CNTNAP5: variants seen among roughly 807,000 people sequenced by gnomAD.
CNTNAP5 encodes contactin associated protein family member 5.
In CNTNAP5, 72 loss-of-function variants were observed where a neutral mutation model predicts 150.2. That is an observed-to-expected ratio of 0.48 (90% confidence interval 0.40 to 0.58). The LOEUF (loss-of-function observed/expected upper bound fraction) is 0.58, where lower values mean the gene tolerates loss of function less well. Ranked by LOEUF, CNTNAP5 falls within the 20% of genes least tolerant of loss-of-function variation. The pLI, the probability that CNTNAP5 is intolerant of heterozygous loss-of-function variation, is 0.00. For synonymous variants in CNTNAP5, 672 were observed against 619.8 expected, an observed-to-expected ratio of 1.08 and a Z score of -1.25; for missense variants, 1,636 against 1,626.2, an observed-to-expected ratio of 1.01 and a Z score of -0.10.
intron 11 of CNTNAP5, among the ~76,000 whole-genome samples, chr2:124,592,181 A>C (rs1249585346): frequency 1.3e-5 from 2 of 152,160 alleles, no homozygotes; most frequent in East Asian, 3.9e-4. Flanking sequence ...TTTTAAAAAA[A>C]TATGGAAACA....
intron 11 of CNTNAP5, among the ~76,000 whole-genome samples, chr2:124,580,303 CTGTAAG>C (rs1438893940): frequency 1.3e-5 from 2 of 152,256 alleles, no homozygotes; most frequent in African/African-American, 2.4e-5. Flanking sequence ...AAAGGCTTCT[CTGTAAG>C]TTGTCAACTA....
intron 11 of CNTNAP5, among the ~76,000 whole-genome samples, chr2:124,595,161 C>A (rs1341945114): frequency 1.4e-5 from 2 of 147,748 alleles, no homozygotes; most frequent in African/African-American, 2.5e-5. Context: ...CTGGCCAGAA[C>A]TTCCAGCACT....
rs1245847924 is a variant in CNTNAP5, at chr2:124,707,045, G to A, written c.2078-40184G>A. On this transcript the variant is annotated intron_variant, in intron 13 of 23. Transcript: ENST00000682447. ...GAAGAAGAAGAAGAAGAAGAAGGAG[G>A]AGGAGGAGGAGGAGGAGAGGAAGAG... Among the ~76,000 whole-genome samples, 230 of 103,716 alleles carry A rather than the reference G, an allele frequency of 2.2e-3. 10 individuals are homozygous for A. The highest frequency in any genetic ancestry group is 8.9e-3 in the African/African-American group (211 of 23,718). 68.0% of individuals were successfully genotyped at this position (103,716 alleles called of 152,430 possible).
chr2:124,434,798 A>C (rs750967571), intron 5 of CNTNAP5, 111 bp downstream of exon 5: 8 of 857,422 alleles, frequency 9.3e-6, no homozygotes, highest in Non-Finnish European at 1.5e-5. Flanking sequence ...GGAGCACAAT[A>C]TAAGTGATAT....
Position 124,869,757 on chromosome 2 carries a change from T to G in CNTNAP5, c.3431T>G (p.Val1144Gly). 6.3e-7 allele frequency: 1 copy of G among 1,594,292 alleles called. No homozygotes were observed. The highest frequency in any genetic ancestry group is 8.6e-7 in the Non-Finnish European group (1 of 1,162,630). ...ATAAGGTCACTCACCTTGGGCAAAG[T>G]CACAGGTATGTTGTTCTAGTTCATA... ...RVIRSLTLGK[V>G]TENLGLDSEV... The change falls in exon 21 of 24, where the codon GTC becomes GGC. Residue 1144 changes from valine (V) to glycine (G), a missense_variant. Val to Gly is a moderately radical substitution (Grantham distance 109). Transcript: ENST00000682447.
Position 124,524,443 on chromosome 2 carries a change from T to G in CNTNAP5, c.1468T>G (p.Tyr490Asp). The change falls in exon 9 of 24, where the codon TAT becomes GAT. Residue 490 changes from tyrosine (Y) to aspartate (D), a missense_variant. Transcript: ENST00000682447. ...GCAGATTTATTCTGGAAATAGCTAC[T>G]ATTTTGGAGGTAAATTCTCCAGTCT... ...WVQIYSGNSY[Y>D]FGGCPDNLTD... The G allele has an allele frequency of 6.2e-7, 1 of 1,611,302 alleles. No individual in the cohort carries two copies. The highest frequency in any genetic ancestry group is 8.5e-7 in the Non-Finnish European group (1 of 1,178,494).
At chr2:124,391,531 T>C (rs1475968040) in intron 3 of CNTNAP5, among the ~76,000 whole-genome samples, 2 of 152,220 alleles carry the variant, frequency 1.3e-5, no homozygotes, top group African/African-American at 4.8e-5. Context: ...AATGGCTATT[T>C]GTCAGTCCAC....
At chr2:124,343,695 T>C (rs1470318796) in intron 3 of CNTNAP5, among the ~76,000 whole-genome samples, 6 of 152,306 alleles carry the variant, frequency 3.9e-5, no homozygotes, top group Non-Finnish European at 8.8e-5. Context: ...CATGACAGTA[T>C]AAGATACAAA....
chr2:124,572,524 G>A (rs1029033860), intron 11 of CNTNAP5, among the ~76,000 whole-genome samples: 5 of 152,304 alleles, frequency 3.3e-5, no homozygotes, highest in Non-Finnish European at 7.4e-5. Context: ...ATAAAGGCTG[G>A]ACTTGGGGAG....
rs952047614 is a variant in CNTNAP5 at position 124,918,050 on chromosome 2, A to G, written c.*3762A>G. ...GGGTGGATTGACTTTTAGGAACAGT[A>G]AGAATAGATGGTCTCTGTCTCTGCC... On this transcript the variant is annotated 3_prime_UTR_variant, in exon 24 of 24. Coordinates refer to ENST00000682447, the MANE Select transcript of CNTNAP5 (RefSeq NM_001367498.1). Among the ~76,000 whole-genome samples the G allele has an allele frequency of 6.6e-6, 1 of 152,098 alleles. No homozygotes were observed. The highest frequency in any genetic ancestry group is 2.4e-5 in the African/African-American group (1 of 41,442).
At chr2:124,426,063 A>C (rs555689421) in intron 4 of CNTNAP5, among the ~76,000 whole-genome samples, 67 of 152,306 alleles carry the variant, frequency 4.4e-4, no homozygotes, top group African/African-American at 1.5e-3. Context: ...ACAAAAAAAA[A>C]CCTAAGCATT....
At chr2:124,799,138 G>A (rs1024998328) in intron 19 of CNTNAP5, among the ~76,000 whole-genome samples, 1 of 152,076 alleles carries the variant, frequency 6.6e-6, no homozygotes, top group Non-Finnish European at 1.5e-5. Context: ...AATTTGCATG[G>A]TATCTAATAG....
At chr2:124,287,192 A>G (rs1688176704) in intron 3 of CNTNAP5, among the ~76,000 whole-genome samples, 1 of 152,174 alleles carries the variant, frequency 6.6e-6, no homozygotes, top group African/African-American at 2.4e-5. Flanking sequence ...TAAACATTTT[A>G]GAATCCTTGC....
At chr2:124,247,762 T>C (rs1235281120) in intron 3 of CNTNAP5, among the ~76,000 whole-genome samples, 1 of 152,134 alleles carries the variant, frequency 6.6e-6, no homozygotes, top group African/African-American at 2.4e-5. Flanking sequence ...ACTGGATAGA[T>C]ATTGTAGACT....
intron 13 of CNTNAP5, among the ~76,000 whole-genome samples, chr2:124,722,547 T>C (rs1680069720): frequency 6.6e-6 from 1 of 152,288 alleles, no homozygotes; most frequent in South Asian, 2.1e-4. Context: ...CTTTTTGGCT[T>C]CATGCTCATC....
At chr2:124,242,941 G>A (rs1032795732) in intron 3 of CNTNAP5, among the ~76,000 whole-genome samples, 7 of 152,164 alleles carry the variant, frequency 4.6e-5, no homozygotes, top group African/African-American at 1.7e-4. Flanking sequence ...TACAAAACAA[G>A]TAGAAAATTT....
chr2:124,792,212 T>C (rs1267604321), intron 18 of CNTNAP5, among the ~76,000 whole-genome samples: 1 of 152,208 alleles, frequency 6.6e-6, no homozygotes, highest in Admixed American at 6.5e-5. Flanking sequence ...CTGTGTTTCA[T>C]TGGCGATTTT....
chr2:124,206,438 T>G (rs1156510708), intron 1 of CNTNAP5, among the ~76,000 whole-genome samples: 1 of 152,226 alleles, frequency 6.6e-6, no homozygotes, highest in Admixed American at 6.5e-5. Flanking sequence ...AATGCGTGTA[T>G]GAATAACCCC....
intron 21 of CNTNAP5, among the ~76,000 whole-genome samples, chr2:124,893,584 C>G (rs1017692877): frequency 2.0e-5 from 3 of 152,038 alleles, no homozygotes; most frequent in Admixed American, 6.6e-5. Context: ...TATTATGGAG[C>G]AATAACTACA....
Sources: gnomAD v4.1 joint callset for allele counts (sites outside exome capture counted in the v4.1 genomes callset) on GRCh38, gnomAD v4.1.1 for gene constraint, MANE v1.5 for transcripts, NCBI Gene and HGNC (gene_info 2026-07-23, HGNC 2026-07-21) for gene names.